The following ALCAM variants were observed in gnomAD, a reference collection of about 807,000 sequenced individuals.
The protein encoded by ALCAM is CD166 antigen.
Under a neutral mutation model 70.9 loss-of-function variants are expected in ALCAM, and 30 were observed. That is an observed-to-expected ratio of 0.42 (90% CI 0.32 to 0.57). The LOEUF (loss-of-function observed/expected upper bound fraction) is 0.57, where lower values mean the gene tolerates loss of function less well. ALCAM is among the 20% of genes least tolerant of loss of function. The probability of loss-of-function intolerance (pLI) is 0.11; values close to 1 mark genes in which losing one functional copy is unlikely to be tolerated. For missense variants in ALCAM, 591 were observed against 695.1 expected (o/e 0.85, Z 1.68); for synonymous variants, 249 against 242.5 (o/e 1.03, Z -0.25).
Position 105,550,406 on chromosome 3 carries a change from A to T in ALCAM, c.1507+147A>T, listed in dbSNP as rs1253305024. 3 of 840,832 alleles carry T rather than the reference A, an allele frequency of 3.6e-6. No homozygotes were observed. In the South Asian group the frequency reaches 6.9e-5, roughly 19 times the overall value. The allele number at this position is 840,832 out of a possible 1,614,324, so 52.1% of individuals were successfully genotyped here. On this transcript the variant is annotated intron_variant, in intron 12 of 15. Coordinates refer to ENST00000306107, the MANE Select transcript of ALCAM (RefSeq NM_001627.4). ...CATTTGGTATCATCATCATAAGGTT[A>T]TTTTTTCTTTTTTCCTGTCCATTCT...
At chr3:105,386,937 C>A (rs1314065652) in intron 1 of ALCAM, among the ~76,000 whole-genome samples, 2 of 151,404 alleles carry the variant, frequency 1.3e-5, no homozygotes, top group Admixed American at 6.6e-5. Flanking sequence ...GAGCAAATTA[C>A]CCAATAAATG....
intron 14 of ALCAM, among the ~76,000 whole-genome samples, chr3:105,571,531 A>G (rs1261803056): frequency 6.6e-6 from 1 of 152,240 alleles, no homozygotes; most frequent in Non-Finnish European, 1.5e-5. Flanking sequence ...AATTTACACT[A>G]TCAAATGAGT....
chr3:105,571,892 G>A lies in ALCAM; in HGVS notation c.1705G>A (p.Glu569Lys). The A allele has an allele frequency of 6.2e-7, 1 of 1,613,432 alleles. No homozygotes were observed. The highest frequency in any genetic ancestry group is 8.5e-7 in the Non-Finnish European group (1 of 1,179,608). The change falls in exon 15 of 16, where the codon GAA becomes AAA. Residue 569 changes from glutamate to lysine, a missense_variant. Around this residue, in one of 2 missense-constraint regions of ALCAM, gnomAD observed 164 missense variants for 244.7 expected, o/e 0.67. Transcript: ENST00000306107. Reference sequence around the variant, plus strand: ...TGTAAACAAGGACCTCGGTAATATGGAAGAAAACAAAAAGTTAGAAGAAAA... The same window carrying A: ...TGTAAACAAGGACCTCGGTAATATGAAAGAAAACAAAAAGTTAGAAGAAAA... Reference protein sequence around the residue: ...KHVNKDLGNMEENKKLEENNH... With the variant: ...KHVNKDLGNMKENKKLEENNH...
chr3:105,406,299 C>T (rs1038571200), intron 1 of ALCAM, among the ~76,000 whole-genome samples: 4 of 152,002 alleles, frequency 2.6e-5, no homozygotes, highest in African/African-American at 7.2e-5. Flanking sequence ...TTCTTTAGAC[C>T]CACAATAAAA....
At position 105,541,683 on chromosome 3, in the gene ALCAM, G is replaced by C. The variant is rs779720817; in HGVS notation, c.909G>C (p.Val303=). Residue 303 remains valine (V), a synonymous_variant, in exon 8 of 16, where the codon GTG becomes GTC. Transcript: ENST00000306107. ...RSSNTYTLTD[V]RRNATGDYKC... ...CAAATACTTACACACTGACGGATGT[G>C]AGGCGCAATGCAACAGGAGACTACA... 1 of 1,612,278 alleles carries C rather than the reference G, an allele frequency of 6.2e-7. No homozygotes were observed. The highest frequency in any genetic ancestry group is 8.5e-7 in the Non-Finnish European group (1 of 1,178,854).
At chr3:105,368,050 G>A (rs1428101379) in intron 1 of ALCAM, among the ~76,000 whole-genome samples, 1 of 151,418 alleles carries the variant, frequency 6.6e-6, no homozygotes. Context: ...GTTACCCCCT[G>A]CGGTCCCCGT....
At chr3:105,476,634 A>C (rs1337789176) in intron 1 of ALCAM, among the ~76,000 whole-genome samples, 1 of 152,114 alleles carries the variant, frequency 6.6e-6, no homozygotes, top group African/African-American at 2.4e-5. Context: ...AACAAAAAAA[A>C]ATCCTGTAGC....
intron 1 of ALCAM, among the ~76,000 whole-genome samples, chr3:105,451,651 G>T: frequency 6.6e-6 from 1 of 152,176 alleles, no homozygotes; most frequent in East Asian, 1.9e-4. Flanking sequence ...GGTTCAATTT[G>T]TTAGGAACAT....
At chr3:105,381,146 A>G (rs747499314) in intron 1 of ALCAM, among the ~76,000 whole-genome samples, 1 of 151,988 alleles carries the variant, frequency 6.6e-6, no homozygotes, top group South Asian at 2.1e-4. Flanking sequence ...ATTAATACAC[A>G]TAAAGTTCAT....
At chr3:105,534,870 G>A (rs753576438) in intron 6 of ALCAM, 25 bp downstream of exon 6, 1 of 1,558,354 alleles carries the variant, frequency 6.4e-7, no homozygotes, top group Non-Finnish European at 8.7e-7. Context: ...ATATAATTAT[G>A]CTATTTAATG....
intron 1 of ALCAM, among the ~76,000 whole-genome samples, chr3:105,373,081 AT>A (rs1403221181): frequency 6.6e-6 from 1 of 152,140 alleles, no homozygotes; most frequent in Non-Finnish European, 1.5e-5. Context: ...TTATTACATC[AT>A]ATGAGTTTCC....
intron 14 of ALCAM, among the ~76,000 whole-genome samples, chr3:105,559,367 A>T (rs1342052469): frequency 2.1e-5 from 3 of 141,482 alleles, no homozygotes; most frequent in African/African-American, 7.4e-5. Context: ...GGGTGGCTTT[A>T]AAAAAAAACA....
intron 7 of ALCAM, among the ~76,000 whole-genome samples, chr3:105,540,615 T>C (rs913903339): frequency 9.2e-5 from 14 of 152,150 alleles, no homozygotes; most frequent in East Asian, 3.9e-4. Context: ...GGAAATGATA[T>C]GCATAGAGGA....
At chr3:105,389,164 T>C (rs1372797560) in intron 1 of ALCAM, among the ~76,000 whole-genome samples, 1 of 151,414 alleles carries the variant, frequency 6.6e-6, no homozygotes, top group East Asian at 1.9e-4. Context: ...ATGACAAATA[T>C]GACACATTCA....
chr3:105,385,045 C>A (rs1460265260), intron 1 of ALCAM, among the ~76,000 whole-genome samples: 1 of 151,394 alleles, frequency 6.6e-6, no homozygotes, highest in Non-Finnish European at 1.5e-5. Context: ...AAAATGTCAC[C>A]CATTTCTAAG....
chr3:105,413,218 A>G (rs1200175755), intron 1 of ALCAM, among the ~76,000 whole-genome samples: 1 of 152,122 alleles, frequency 6.6e-6, no homozygotes, highest in Non-Finnish European at 1.5e-5. Flanking sequence ...GATTAAATTA[A>G]TTAGTGAATT....
At chr3:105,545,489 A>G (rs1940224398) in intron 9 of ALCAM, among the ~76,000 whole-genome samples, 154 bp downstream of exon 9, 1 of 151,470 alleles carries the variant, frequency 6.6e-6, no homozygotes, top group Non-Finnish European at 1.5e-5. Context: ...AAATAAAATA[A>G]CAATAAAATT....
At chr3:105,405,346 A>G (rs1002390903) in intron 1 of ALCAM, among the ~76,000 whole-genome samples, 1 of 151,302 alleles carries the variant, frequency 6.6e-6, no homozygotes, top group Non-Finnish European at 1.5e-5. Flanking sequence ...GACTAGACCA[A>G]CAGGAAAATA....
chr3:105,437,348 C>T (rs2152580500), intron 1 of ALCAM, among the ~76,000 whole-genome samples: 1 of 152,134 alleles, frequency 6.6e-6, no homozygotes, highest in Non-Finnish European at 1.5e-5. Context: ...TAATTATTTG[C>T]TTTGATTATT....
Sources: gnomAD v4.1 joint callset for allele counts (sites outside exome capture counted in the v4.1 genomes callset) on GRCh38, gnomAD v4.1.1 for gene constraint, gnomAD v4.1.1 regional missense constraint, MANE v1.5 for transcripts, NCBI Gene and HGNC (gene_info 2026-07-23, HGNC 2026-07-21) for gene names.